The following PGRMC1 variants were observed in gnomAD, a reference collection of about 807,000 sequenced individuals.
PGRMC1 encodes the protein membrane-associated progesterone receptor component 1.
For synonymous variants in PGRMC1, 73 were observed against 77.3 expected (o/e 0.94, Z 0.29); for missense variants, 145 against 169.0 (o/e 0.86, Z 0.79).
rs1232491492 is a variant in PGRMC1, at chrX:119,236,530, A to T, written c.167A>T (p.Asp56Val). The T allele has an allele frequency of 2.5e-6, 3 of 1,207,799 alleles. No individual in the cohort carries two copies. The highest frequency in any genetic ancestry group is 3.4e-6 in the Non-Finnish European group (3 of 894,301). Residue 56 changes from aspartate (D) to valine (V), a missense_variant, in exon 1 of 3, where the codon GAC becomes GTC. Asp to Val is a radical substitution (Grantham distance 152, BLOSUM62 -3). Transcript: ENST00000217971. The part of the protein sequence containing the change: ...VRGDQPAASG[D>V]SDDDEPPPLP... ...GGGGACCAGCCGGCGGCCAGCGGCG[A>T]CAGCGACGACGACGAGCCGCCCCCT...
At chrX:119,241,591 T>C (rs1179908597) in intron 2 of PGRMC1, among the ~76,000 whole-genome samples, 1 of 112,141 alleles carries the variant, frequency 8.9e-6, no homozygotes, top group Middle Eastern at 4.2e-3. Context: ...TGATTTTTTT[T>C]TTCCACTTTA....
rs769104006 is a variant in PGRMC1, at chrX:119,237,354, CAG to C, written c.328+664_328+665del. On this transcript the variant is annotated intron_variant, in intron 1 of 2. Transcript: ENST00000217971. ...TGCGTGTTTAGTGTATGTGATTTATCAGGGGTGTGTGTGTGTGGTGTGTGCAT... is the reference window on the plus strand; with the variant it reads ...TGCGTGTTTAGTGTATGTGATTTATCGGGTGTGTGTGTGTGGTGTGTGCAT... 1.3e-4 allele frequency among the ~76,000 whole-genome samples: 14 copies of C among 108,980 alleles called. No individual in the cohort carries two copies. The East Asian group carries it at 3.8e-3, about 29-fold the overall frequency. The allele number at this position is 108,980 out of a possible 115,157, so 94.6% of individuals were successfully genotyped here. A position where few individuals can be genotyped will look rare whatever the true frequency, so the allele number is the denominator to read the frequency against.
intron 2 of PGRMC1, 95 bp downstream of exon 2, chrX:119,240,559 G>C (rs1233825297): frequency 1.4e-6 from 1 of 734,857 alleles, no homozygotes; most frequent in Non-Finnish European, 2.1e-6. Context: ...CTGAAACTTG[G>C]GTGCATTTTG....
At chrX:119,241,935 GT>G (rs1164112960) in intron 2 of PGRMC1, among the ~76,000 whole-genome samples, 1 of 111,786 alleles carries the variant, frequency 8.9e-6, no homozygotes, top group Non-Finnish European at 1.9e-5. Context: ...CCTTACATCT[GT>G]TTTCTCCAAC....
At chrX:119,237,441 G>A (rs1008712542) in intron 1 of PGRMC1, among the ~76,000 whole-genome samples, 5 of 110,302 alleles carry the variant, frequency 4.5e-5, no homozygotes, top group Admixed American at 1.9e-4. Flanking sequence ...GTCTGTGTGC[G>A]CTTGTGCTGT....
chrX:119,238,485 C>T (rs1930748908), intron 1 of PGRMC1, among the ~76,000 whole-genome samples: 1 of 112,343 alleles, frequency 8.9e-6, no homozygotes, highest in African/African-American at 3.2e-5. Flanking sequence ...CATGTAAATA[C>T]CTGTTAATAT....
intron 1 of PGRMC1, among the ~76,000 whole-genome samples, chrX:119,239,990 G>A (rs1930782426): frequency 8.9e-6 from 1 of 112,164 alleles, no homozygotes; most frequent in Admixed American, 9.4e-5. Context: ...CAATGTTCTT[G>A]TATGATTCCC....
intron 1 of PGRMC1, among the ~76,000 whole-genome samples, chrX:119,237,642 G>C (rs1250121216): frequency 9.0e-6 from 1 of 110,770 alleles, no homozygotes; most frequent in Non-Finnish European, 1.9e-5. Context: ...AGAAGTGGGA[G>C]GATACCAAGA....
intron 2 of PGRMC1, 22 bp from the exon 3 acceptor site, chrX:119,243,129 G>A: frequency 2.1e-6 from 2 of 972,168 alleles, no homozygotes; most frequent in Non-Finnish European, 3.0e-6. Context: ...ATGACCATTT[G>A]TGTTTTCTTC....
intron 2 of PGRMC1, 27 bp downstream of exon 2, chrX:119,240,491 G>C: frequency 8.7e-7 from 1 of 1,152,562 alleles, no homozygotes; most frequent in Non-Finnish European, 1.2e-6. Context: ...TTGTGTCTGG[G>C]TCAAATTTCT....
intron 1 of PGRMC1, among the ~76,000 whole-genome samples, chrX:119,237,299 T>TGCACTCGTGGTGTGTGC (rs1238745818): frequency 9.0e-6 from 1 of 110,727 alleles, no homozygotes; most frequent in Non-Finnish European, 1.9e-5. Context: ...GATGTGTGTG[T>TGCACTCGTGGTGTGTGC]GCACTCGTGG....
intron 1 of PGRMC1, 105 bp from the exon 2 acceptor site, chrX:119,240,204 C>A: frequency 1.3e-6 from 1 of 748,956 alleles, no homozygotes; most frequent in Non-Finnish European, 2.1e-6. Context: ...ATTTGATATT[C>A]AAAAATGGGG....
rs753929987 is a variant in PGRMC1, at chrX:119,241,841, T to TCGACCCTGC, written c.485-1309_485-1301dup. On this transcript the variant is annotated intron_variant, in intron 2 of 2. Coordinates refer to ENST00000217971, the MANE Select transcript of PGRMC1 (RefSeq NM_006667.5). Reference sequence around the variant, plus strand: ...CTCTTGGCTTTGGACATTCAGATGATCGACCCTGCATTAGTTTGGCTACAG... The same window carrying TCGACCCTGC: ...CTCTTGGCTTTGGACATTCAGATGATCGACCCTGCCGACCCTGCATTAGTTTGGCTACAG... Among the ~76,000 whole-genome samples the TCGACCCTGC allele has an allele frequency of 1.8e-3, 197 of 112,368 alleles. 3 individuals carry two copies. The highest frequency in any genetic ancestry group is 6.0e-3 in the African/African-American group (186 of 30,923).
intron 1 of PGRMC1, among the ~76,000 whole-genome samples, chrX:119,238,895 AACAG>A (rs1930756785): frequency 8.9e-6 from 1 of 112,540 alleles, no homozygotes; most frequent in East Asian, 2.8e-4. Context: ...CAGTGAGCAA[AACAG>A]ACACAAATCT....
chrX:119,243,737 A>G lies in PGRMC1; in HGVS notation c.*483A>G, dbSNP rs773406066. 2 of 151,962 alleles carry G rather than the reference A, an allele frequency of 1.3e-5. No homozygotes were observed. The highest frequency in any genetic ancestry group is 6.4e-5 in the African/African-American group (2 of 31,407). 12.5% of individuals were successfully genotyped at this position (151,962 alleles called of 1,213,427 possible). ...TCTGCAGTGTTCCAAAGACTTTGGTATGGATTAAGCGCTGTCCAGTAACAA... is the reference window on the plus strand; with the variant it reads ...TCTGCAGTGTTCCAAAGACTTTGGTGTGGATTAAGCGCTGTCCAGTAACAA... On this transcript the variant is annotated 3_prime_UTR_variant, in exon 3 of 3. Coordinates refer to ENST00000217971, the MANE Select transcript of PGRMC1 (RefSeq NM_006667.5).
At chrX:119,240,673 ATGGAAACT>A (rs1024065233) in intron 2 of PGRMC1, among the ~76,000 whole-genome samples, 13 of 111,922 alleles carry the variant, frequency 1.2e-4, no homozygotes, top group African/African-American at 4.2e-4. Context: ...CCAGTTCTCT[ATGGAAACT>A]TGGGTTTCTG....
At chrX:119,242,950 T>C (rs1206802624) in intron 2 of PGRMC1, among the ~76,000 whole-genome samples, 1 of 112,751 alleles carries the variant, frequency 8.9e-6, no homozygotes, top group Non-Finnish European at 1.9e-5. Flanking sequence ...CGTTGCCACC[T>C]GTTTTATATG....
At chrX:119,236,914 G>C (rs1399743869) in intron 1 of PGRMC1, among the ~76,000 whole-genome samples, 1 of 112,374 alleles carries the variant, frequency 8.9e-6, no homozygotes, top group African/African-American at 3.2e-5. Context: ...CAGGGACGCG[G>C]ATCCCCGGCC....
intron 1 of PGRMC1, among the ~76,000 whole-genome samples, chrX:119,239,352 A>G (rs542647421): frequency 6.2e-5 from 7 of 112,439 alleles, no homozygotes; most frequent in African/African-American, 1.9e-4. Flanking sequence ...AACAGGCCAT[A>G]TTGAAACTTG....
Sources: allele counts gnomAD v4.1 joint callset (sites outside exome capture counted in the v4.1 genomes callset), GRCh38; gene constraint gnomAD v4.1.1; transcripts MANE v1.5; gene names NCBI Gene and HGNC (gene_info 2026-07-23, HGNC 2026-07-21).